Variants in PTPRM observed in about 807,000 individuals in gnomAD.
The protein encoded by PTPRM is receptor-type tyrosine-protein phosphatase mu.
In PTPRM, 47 loss-of-function variants were observed where a neutral mutation model predicts 186.7. That is an observed-to-expected ratio of 0.25 (90% CI 0.20 to 0.32). PTPRM has a LOEUF of 0.32. Among genes scored for constraint, PTPRM ranks in the 10% least tolerant of loss-of-function variants. The pLI, the probability that PTPRM is intolerant of heterozygous loss-of-function variation, is 1.00. For synonymous variants in PTPRM, 668 were observed against 674.9 expected (o/e 0.99, Z 0.16); for missense variants, 1,494 against 1,865.0 (o/e 0.80, Z 3.66).
Position 8,209,408 on chromosome 18 carries a change from G to A in PTPRM, c.2301-34650G>A, listed in dbSNP as rs529628430. On this transcript the variant is annotated intron_variant, in intron 14 of 32. Transcript: ENST00000580170. ...AAGTGTCAAGAAAAAAATCAAGGAT[G>A]TCTCTGAGGTTTTCAGCTTGAGCAA... 2.6e-5 allele frequency among the ~76,000 whole-genome samples: 4 copies of A among 152,310 alleles called. No homozygotes were observed. The South Asian group carries it at 6.2e-4, about 24-fold the overall frequency.
At chr18:7,908,448 G>A (rs1356970743) in intron 4 of PTPRM, among the ~76,000 whole-genome samples, 1 of 152,104 alleles carries the variant, frequency 6.6e-6, no homozygotes, top group South Asian at 2.1e-4. Flanking sequence ...GCATGGATTT[G>A]AATAGACCAC....
chr18:8,181,978 C>T (rs756457365), intron 14 of PTPRM, among the ~76,000 whole-genome samples: 95 of 152,156 alleles, frequency 6.2e-4, no homozygotes, highest in Non-Finnish European at 1.1e-3. Context: ...TCTTTAATTA[C>T]GCTGGTCTGT....
intron 1 of PTPRM, among the ~76,000 whole-genome samples, chr18:7,731,661 A>T (rs1598452792): frequency 6.6e-6 from 1 of 152,188 alleles, no homozygotes; most frequent in Admixed American, 6.5e-5. Flanking sequence ...TTATGTACAG[A>T]TTCTATGTGG....
At chr18:7,867,139 G>A (rs750696122) in intron 2 of PTPRM, among the ~76,000 whole-genome samples, 6 of 152,120 alleles carry the variant, frequency 3.9e-5, no homozygotes, top group African/African-American at 7.2e-5. Context: ...GATGGGTCTC[G>A]ACTCTTTGTC....
intron 5 of PTPRM, among the ~76,000 whole-genome samples, chr18:7,947,198 C>T (rs1236755065): frequency 1.3e-5 from 2 of 152,152 alleles, no homozygotes; most frequent in Admixed American, 1.3e-4. Flanking sequence ...TCAGGTGTTC[C>T]GGCGCTTGGG....
At chr18:7,785,276 G>C (rs1437081646) in intron 2 of PTPRM, among the ~76,000 whole-genome samples, 1 of 152,158 alleles carries the variant, frequency 6.6e-6, no homozygotes, top group Non-Finnish European at 1.5e-5. Flanking sequence ...TTTCTGATAA[G>C]AGTGTCTCCA....
At chr18:8,208,817 C>T (rs1219565995) in intron 14 of PTPRM, among the ~76,000 whole-genome samples, 1 of 152,212 alleles carries the variant, frequency 6.6e-6, no homozygotes, top group Admixed American at 6.5e-5. Flanking sequence ...CTGCCAAGGC[C>T]TTACTTTTGA....
chr18:8,335,484 C>T (rs1408723738), intron 22 of PTPRM, among the ~76,000 whole-genome samples: 1 of 152,074 alleles, frequency 6.6e-6, no homozygotes, highest in Non-Finnish European at 1.5e-5. Flanking sequence ...AGTTTGATAT[C>T]GAAAACTTTC....
At chr18:8,088,872 C>G in intron 11 of PTPRM, 21 bp downstream of exon 11, 1 of 1,551,476 alleles carries the variant, frequency 6.4e-7, no homozygotes, top group Non-Finnish European at 8.9e-7. Flanking sequence ...GAGGGTTGGG[C>G]CGGCTCTAGA....
chr18:8,167,711 A>C (rs2093343199), intron 14 of PTPRM, among the ~76,000 whole-genome samples: 1 of 143,314 alleles, frequency 7.0e-6, no homozygotes, highest in Non-Finnish European at 1.5e-5. Context: ...GAGGAATTGC[A>C]CTTTAGCAAG....
At chr18:8,235,476 T>TTTTTTTTTTTTTTTG (rs1481569126) in intron 14 of PTPRM, among the ~76,000 whole-genome samples, 6 of 136,768 alleles carry the variant, frequency 4.4e-5, no homozygotes, top group African/African-American at 1.1e-4. Context: ...TTTTTTTTTT[T>TTTTTTTTTTTTTTTG]TTTAGCCTGG....
chr18:8,305,029 C>T (rs537066133), intron 20 of PTPRM, among the ~76,000 whole-genome samples: 2 of 152,264 alleles, frequency 1.3e-5, no homozygotes, highest in Non-Finnish European at 2.9e-5. Context: ...TACACCAATG[C>T]GTTTGATTAT....
intron 20 of PTPRM, among the ~76,000 whole-genome samples, chr18:8,303,655 C>T (rs2095186522): frequency 6.6e-6 from 1 of 152,136 alleles, no homozygotes; most frequent in African/African-American, 2.4e-5. Flanking sequence ...AAAGAGAGAG[C>T]TCTGACACAG....
intron 2 of PTPRM, among the ~76,000 whole-genome samples, chr18:7,860,224 C>T (rs1245466345): frequency 6.6e-6 from 1 of 152,000 alleles, no homozygotes; most frequent in Non-Finnish European, 1.5e-5. Context: ...AGTTGTGTGC[C>T]ACCAAACCCA....
chr18:8,205,656 ATGC>A, intron 14 of PTPRM, among the ~76,000 whole-genome samples: 1 of 152,332 alleles, frequency 6.6e-6, no homozygotes, highest in East Asian at 1.9e-4. Flanking sequence ...AGTGGATATC[ATGC>A]CTGCCAGAAA....
intron 1 of PTPRM, among the ~76,000 whole-genome samples, chr18:7,598,735 G>A (rs776286518): frequency 1.2e-4 from 17 of 137,848 alleles, no homozygotes; most frequent in Non-Finnish European, 2.2e-4. Context: ...CTTAGTGTTT[G>A]TTTTTTGTTG....
chr18:7,883,446 T>C (rs1429599690), intron 2 of PTPRM, among the ~76,000 whole-genome samples: 1 of 152,236 alleles, frequency 6.6e-6, no homozygotes, highest in East Asian at 1.9e-4. Context: ...GAGTTGACTT[T>C]ATACCTTCAT....
At chr18:8,066,670 T>C (rs536165137) in intron 7 of PTPRM, among the ~76,000 whole-genome samples, 1 of 152,252 alleles carries the variant, frequency 6.6e-6, no homozygotes, top group Admixed American at 6.5e-5. Context: ...GTAAGATAGT[T>C]TTGCTTTGGT....
chr18:8,197,636 A>T (rs1476501208), intron 14 of PTPRM, among the ~76,000 whole-genome samples: 1 of 152,228 alleles, frequency 6.6e-6, no homozygotes, highest in Non-Finnish European at 1.5e-5. Context: ...CTGAGTTCAT[A>T]GGATTAATCA....
Sources: gnomAD v4.1 joint callset for allele counts (sites outside exome capture counted in the v4.1 genomes callset) on GRCh38, gnomAD v4.1.1 for gene constraint, MANE v1.5 for transcripts, NCBI Gene and HGNC (gene_info 2026-07-23, HGNC 2026-07-21) for gene names.